Variants in DIAPH3 observed in about 807,000 individuals in gnomAD.
The protein encoded by DIAPH3 is protein diaphanous homolog 3.
In DIAPH3, 117 loss-of-function variants were observed where a neutral mutation model predicts 144.3. The observed-to-expected ratio is 0.81, with a 90% CI of 0.70 to 0.95. DIAPH3 has a LOEUF of 0.95. Ranked by LOEUF, DIAPH3 falls within the 40% of genes least tolerant of loss-of-function variation. The pLI, the probability that DIAPH3 is intolerant of heterozygous loss-of-function variation, is 0.00. For missense variants in DIAPH3, 1,421 were observed against 1,412.7 expected, an observed-to-expected ratio of 1.01 and a Z score of -0.09; for synonymous variants, 519 against 488.9, an observed-to-expected ratio of 1.06 and a Z score of -0.81.
chr13:60,036,418 T>C (rs563869753), intron 5 of DIAPH3, among the ~76,000 whole-genome samples: 22 of 152,270 alleles, frequency 1.4e-4, no homozygotes, highest in African/African-American at 5.3e-4. Context: ...TAATATGTTG[T>C]TGTGTTTTTT....
intron 4 of DIAPH3, among the ~76,000 whole-genome samples, chr13:60,069,992 A>AT (rs908746500): frequency 1.6e-4 from 24 of 151,074 alleles, no homozygotes; most frequent in Non-Finnish European, 3.0e-4. Context: ...TATAGAATAC[A>AT]TTTTTTTTTC....
At chr13:59,713,391 T>C (rs991712001) in intron 27 of DIAPH3, among the ~76,000 whole-genome samples, 1 of 152,124 alleles carries the variant, frequency 6.6e-6, no homozygotes, top group African/African-American at 2.4e-5. Flanking sequence ...AAACTCTCAA[T>C]AAATGATCTC....
rs781105850 is a variant in DIAPH3, at chr13:60,112,124, G to A, written c.276C>T (p.Asn92=). Residue 92 remains asparagine (N), a synonymous_variant, in exon 3 of 28, where the codon AAC becomes AAT. Coordinates refer to ENST00000400324, the MANE Select transcript of DIAPH3 (RefSeq NM_001042517.2). The part of the protein sequence containing the change: ...GSKKERPPLP[N]LKTAFASSDC... ...CACTGCTTGCAAATGCAGTCTTCAG[G>A]TTGGGAAGTGGAGGTCTCTCTTTCT... 1 of 1,614,110 alleles carries A rather than the reference G, an allele frequency of 6.2e-7. No homozygotes were observed. Among genetic ancestry groups the A allele is most frequent in the Non-Finnish European group, 8.5e-7 (1 of 1,180,018 alleles).
At chr13:59,791,116 T>C (rs1566313412) in intron 25 of DIAPH3, among the ~76,000 whole-genome samples, 1 of 152,134 alleles carries the variant, frequency 6.6e-6, no homozygotes, top group African/African-American at 2.4e-5. Context: ...CCTGAGACTA[T>C]ACCATGCCCA....
chr13:59,978,879 G>T (rs553949692), intron 14 of DIAPH3, among the ~76,000 whole-genome samples: 1 of 151,642 alleles, frequency 6.6e-6, no homozygotes, highest in African/African-American at 2.4e-5. Context: ...ATGTATTAGT[G>T]CATCTGTACA....
chr13:59,828,276 C>T (rs954388072), intron 24 of DIAPH3, among the ~76,000 whole-genome samples: 1 of 151,908 alleles, frequency 6.6e-6, no homozygotes. Context: ...CATTAATAGT[C>T]CTCTAATTTT....
intron 12 of DIAPH3, among the ~76,000 whole-genome samples, chr13:59,987,816 A>G (rs1464379173): frequency 2.2e-5 from 2 of 89,320 alleles, no homozygotes; most frequent in African/African-American, 9.8e-5. Context: ...TCAGAAAGGG[A>G]CAAAAAAAAA....
intron 25 of DIAPH3, among the ~76,000 whole-genome samples, chr13:59,790,873 C>A (rs543055746): frequency 5.3e-5 from 8 of 152,138 alleles, no homozygotes; most frequent in African/African-American, 1.7e-4. Context: ...TCCCTCCCCC[C>A]GCTCCACAAC....
chr13:59,704,997 A>G (rs1438453056), intron 27 of DIAPH3, among the ~76,000 whole-genome samples: 1 of 152,212 alleles, frequency 6.6e-6, no homozygotes, highest in Admixed American at 6.5e-5. Context: ...TACAATGGTA[A>G]GATAGGAGAA....
chr13:59,797,159 C>T (rs1418863355), intron 25 of DIAPH3, among the ~76,000 whole-genome samples: 1 of 152,098 alleles, frequency 6.6e-6, no homozygotes, highest in African/African-American at 2.4e-5. Context: ...AATGTCACTC[C>T]TTCCCACACT....
At chr13:59,720,083 C>T (rs759492234) in intron 27 of DIAPH3, among the ~76,000 whole-genome samples, 1 of 152,060 alleles carries the variant, frequency 6.6e-6, no homozygotes, top group African/African-American at 2.4e-5. Flanking sequence ...ATAGACTATA[C>T]TTACATAATC....
chr13:59,958,857 C>T (rs1012089746), intron 17 of DIAPH3, among the ~76,000 whole-genome samples: 5 of 145,088 alleles, frequency 3.4e-5, no homozygotes, highest in Non-Finnish European at 4.5e-5. Flanking sequence ...TAGATCTAAA[C>T]TTCAATAAAC....
chr13:60,133,108 C>A (rs773064934), intron 1 of DIAPH3, 119 bp from the exon 2 acceptor site: 14 of 679,990 alleles, frequency 2.1e-5, no homozygotes, highest in Non-Finnish European at 3.0e-5. Context: ...TTCTGACAGT[C>A]CAATAAAAAC....
chr13:60,125,561 A>G (rs1458867565), intron 2 of DIAPH3, among the ~76,000 whole-genome samples: 2 of 151,770 alleles, frequency 1.3e-5, no homozygotes, highest in African/African-American at 4.8e-5. Flanking sequence ...TTATGTTTTT[A>G]TACTCCCTAA....
At chr13:60,095,616 T>A (rs866164499) in intron 3 of DIAPH3, among the ~76,000 whole-genome samples, 4 of 149,688 alleles carry the variant, frequency 2.7e-5, no homozygotes, top group Non-Finnish European at 5.9e-5. Flanking sequence ...TTTTTTGTGT[T>A]TTTTTTTTTT....
intron 25 of DIAPH3, among the ~76,000 whole-genome samples, chr13:59,775,611 T>C (rs1159027564): frequency 3.3e-5 from 5 of 152,206 alleles, no homozygotes; most frequent in African/African-American, 1.2e-4. Context: ...ATTTCCATGC[T>C]AACTTTTAAA....
Position 60,036,166 on chromosome 13 carries a change from C to T in DIAPH3, c.626+6524G>A, listed in dbSNP as rs571703589. On this transcript the variant is annotated intron_variant, in intron 5 of 27. Coordinates refer to ENST00000400324, the MANE Select transcript of DIAPH3 (RefSeq NM_001042517.2). ...TGAGATTAATGTCCAATCATCCTTG[C>T]AGATTTTAAAAAACAATCTTCAATC... 2.4e-3 allele frequency among the ~76,000 whole-genome samples: 371 copies of T among 152,264 alleles called. 1 individual carries two copies. Among genetic ancestry groups the T allele is most frequent in the Non-Finnish European group, 3.6e-3 (245 of 68,016 alleles).
chr13:59,723,484 C>T (rs1032407789), intron 27 of DIAPH3, among the ~76,000 whole-genome samples: 1 of 151,898 alleles, frequency 6.6e-6, no homozygotes, highest in Non-Finnish European at 1.5e-5. Context: ...TATGTGTGTG[C>T]GTGTGTGGTC....
At chr13:60,122,883 T>C (rs949640025) in intron 2 of DIAPH3, among the ~76,000 whole-genome samples, 2 of 152,118 alleles carry the variant, frequency 1.3e-5, no homozygotes, top group African/African-American at 4.8e-5. Flanking sequence ...CAAAGTTCTA[T>C]CTACCCATCT....
Sources: allele counts gnomAD v4.1 joint callset (sites outside exome capture counted in the v4.1 genomes callset), GRCh38; gene constraint gnomAD v4.1.1; transcripts MANE v1.5; gene names NCBI Gene and HGNC (gene_info 2026-07-23, HGNC 2026-07-21).